SLMAP: variants seen among roughly 807,000 people sequenced by gnomAD.
SLMAP encodes sarcolemma associated protein.
A neutral mutation model predicts 128.8 loss-of-function variants in SLMAP; 44 were observed. That is an observed-to-expected ratio of 0.34 (90% CI 0.27 to 0.44). The LOEUF (loss-of-function observed/expected upper bound fraction) is 0.44, where lower values mean the gene tolerates loss of function less well. SLMAP is among the 20% of genes least tolerant of loss of function. The probability of loss-of-function intolerance (pLI) is 1.00; values close to 1 mark genes in which losing one functional copy is unlikely to be tolerated. For missense variants in SLMAP, 787 were observed against 985.3 expected, an observed-to-expected ratio of 0.80 and a Z score of 2.69; for synonymous variants, 327 against 348.8, an observed-to-expected ratio of 0.94 and a Z score of 0.70.
In SLMAP at chr3:57,923,026, A is replaced by G; in HGVS notation, c.2445+3A>G. The G allele has an allele frequency of 6.2e-7, 1 of 1,612,532 alleles. No individual in the cohort carries two copies. The highest frequency in any genetic ancestry group is 8.5e-7 in the Non-Finnish European group (1 of 1,179,460). The stretch of plus-strand genomic sequence containing the variant: ...TGCTCCGAGAGAAAGGAAATAATGT[A>G]AGTCTTTGCAAACTTGGCTTAGCTT... On this transcript the variant is annotated splice_donor_region_variant and intron_variant, in intron 23 of 24. Coordinates refer to ENST00000671191, the MANE Select transcript of SLMAP (RefSeq NM_001377540.1).
intron 2 of SLMAP, among the ~76,000 whole-genome samples, chr3:57,813,026 G>T (rs1320250634): frequency 6.6e-6 from 1 of 151,320 alleles, no homozygotes; most frequent in African/African-American, 2.4e-5. Flanking sequence ...GGACCATTTA[G>T]GGTTTTCTAC....
chr3:57,896,115 TA>T lies in SLMAP; in HGVS notation c.1361-395del, dbSNP rs113111436. Reference sequence around the variant, plus strand: ...AATCTTACTAAAGCAGCCTTCTTACTAGTGTTTTTATGTAACAGAGCCTTCT... The same window carrying T: ...AATCTTACTAAAGCAGCCTTCTTACTGTGTTTTTATGTAACAGAGCCTTCT... On this transcript the variant is annotated intron_variant, in intron 15 of 24. Coordinates refer to ENST00000671191, the MANE Select transcript of SLMAP (RefSeq NM_001377540.1). The T allele has an allele frequency of 1.5e-3, 536 of 365,528 alleles. 4 individuals carry two copies. The highest frequency in any genetic ancestry group is 0.011 in the African/African-American group (504 of 45,522). 22.6% of individuals were successfully genotyped at this position (365,528 alleles called of 1,614,324 possible).
intron 2 of SLMAP, among the ~76,000 whole-genome samples, chr3:57,768,836 G>T (rs1456520197): frequency 1.3e-5 from 2 of 152,104 alleles, no homozygotes; most frequent in African/African-American, 4.8e-5. Flanking sequence ...AGGTCCCCCT[G>T]AAGTTAGGAA....
At chr3:57,849,705 A>G (rs764684850) in intron 5 of SLMAP, 49 bp from the exon 6 acceptor site, 2 of 979,534 alleles carry the variant, frequency 2.0e-6, no homozygotes, top group African/African-American at 1.6e-5. Flanking sequence ...TTTGTCTTTA[A>G]TGTTCTTTAT....
intron 2 of SLMAP, among the ~76,000 whole-genome samples, chr3:57,773,481 A>T (rs1031552565): frequency 6.6e-6 from 1 of 152,218 alleles, no homozygotes; most frequent in African/African-American, 2.4e-5. Flanking sequence ...CCTATCCATG[A>T]CTATGTTAAG....
chr3:57,769,621 G>A (rs1576193266), intron 2 of SLMAP, among the ~76,000 whole-genome samples: 1 of 152,182 alleles, frequency 6.6e-6, no homozygotes, highest in African/African-American at 2.4e-5. Context: ...CCGCACCTAG[G>A]CCCAAAAAGG....
At chr3:57,830,408 T>C (rs1560146330) in intron 2 of SLMAP, among the ~76,000 whole-genome samples, 1 of 152,240 alleles carries the variant, frequency 6.6e-6, no homozygotes, top group Non-Finnish European at 1.5e-5. Context: ...TTTACCTTTC[T>C]TCCTTAGGAA....
chr3:57,905,691 A>G (rs2096517384), intron 17 of SLMAP, among the ~76,000 whole-genome samples: 1 of 152,234 alleles, frequency 6.6e-6, no homozygotes, highest in African/African-American at 2.4e-5. Flanking sequence ...TTTTTAGAAT[A>G]CACAGAAAGT....
intron 2 of SLMAP, among the ~76,000 whole-genome samples, chr3:57,781,792 G>T (rs1369534505): frequency 2.9e-5 from 4 of 137,264 alleles, no homozygotes; most frequent in Non-Finnish European, 6.0e-5. Flanking sequence ...GAGTGCAGTG[G>T]CGCAATTTCA....
At chr3:57,881,605 G>A (rs754787467) in intron 14 of SLMAP, among the ~76,000 whole-genome samples, 6 of 151,950 alleles carry the variant, frequency 3.9e-5, no homozygotes, top group African/African-American at 1.4e-4. Flanking sequence ...CTACAGGCAC[G>A]TGCCACTATG....
intron 6 of SLMAP, among the ~76,000 whole-genome samples, chr3:57,851,482 T>G (rs1432848324): frequency 6.6e-6 from 1 of 151,614 alleles, no homozygotes; most frequent in Non-Finnish European, 1.5e-5. Flanking sequence ...TTTTTGTTTT[T>G]TTTTTTTTGA....
At chr3:57,861,440 T>G (rs1297848625) in intron 9 of SLMAP, among the ~76,000 whole-genome samples, 1 of 152,210 alleles carries the variant, frequency 6.6e-6, no homozygotes, top group Non-Finnish European at 1.5e-5. Context: ...AAAATGCTCA[T>G]CAGAAACTAA....
chr3:57,801,656 T>C (rs2088419381), intron 2 of SLMAP, among the ~76,000 whole-genome samples: 1 of 149,840 alleles, frequency 6.7e-6, no homozygotes, highest in Admixed American at 6.6e-5. Flanking sequence ...TTTTTTTTTT[T>C]AACTATTATA....
intron 15 of SLMAP, chr3:57,896,217 T>TA: frequency 9.1e-7 from 1 of 1,094,934 alleles, no homozygotes; most frequent in South Asian, 3.1e-5. Context: ...TTGAATACTT[T>TA]AGCAAAGCTT....
At chr3:57,774,474 G>A (rs2081421997) in intron 2 of SLMAP, among the ~76,000 whole-genome samples, 1 of 151,396 alleles carries the variant, frequency 6.6e-6, no homozygotes, top group South Asian at 2.1e-4. Flanking sequence ...GTGGTATGTA[G>A]TCTTAGGCAC....
intron 2 of SLMAP, among the ~76,000 whole-genome samples, chr3:57,787,921 A>C (rs534854450): frequency 6.6e-6 from 1 of 152,238 alleles, no homozygotes; most frequent in Non-Finnish European, 1.5e-5. Context: ...AATAATTGCC[A>C]AGAGAGGTAC....
chr3:57,921,440 A>C (rs567201460), intron 22 of SLMAP, among the ~76,000 whole-genome samples: 2 of 152,192 alleles, frequency 1.3e-5, no homozygotes, highest in South Asian at 4.2e-4. Context: ...CATCCTGGCC[A>C]ACATGGTGAA....
chr3:57,793,848 C>T (rs928073238), intron 2 of SLMAP, among the ~76,000 whole-genome samples: 5 of 151,188 alleles, frequency 3.3e-5, no homozygotes, highest in African/African-American at 1.2e-4. Flanking sequence ...TCACTTCAGC[C>T]CAGAAGTTCA....
At chr3:57,825,928 T>C (rs1467050690) in intron 2 of SLMAP, among the ~76,000 whole-genome samples, 1 of 152,188 alleles carries the variant, frequency 6.6e-6, no homozygotes, top group African/African-American at 2.4e-5. Flanking sequence ...TTTGACTGTT[T>C]TCGAGACTTT....
Sources: allele counts gnomAD v4.1 joint callset (sites outside exome capture counted in the v4.1 genomes callset), GRCh38; gene constraint gnomAD v4.1.1; transcripts MANE v1.5; gene names NCBI Gene and HGNC (gene_info 2026-07-23, HGNC 2026-07-21).